PPM1L: variants seen among roughly 807,000 people sequenced by gnomAD.
PPM1L encodes the protein protein phosphatase 1L.
Under a neutral mutation model 31.4 loss-of-function variants are expected in PPM1L, and 13 were observed. That is an observed-to-expected ratio of 0.41 (90% CI 0.27 to 0.66). The LOEUF is 0.66. PPM1L is among the 30% of genes least tolerant of loss of function. The pLI, the probability that PPM1L is intolerant of heterozygous loss-of-function variation, is 0.29. For missense variants in PPM1L, 326 were observed against 453.7 expected (o/e 0.72, Z 2.56); for synonymous variants, 184 against 175.4 (o/e 1.05, Z -0.39).
intron 2 of PPM1L, among the ~76,000 whole-genome samples, chr3:161,031,934 G>A (rs568440122): frequency 1.3e-5 from 2 of 152,122 alleles, no homozygotes; most frequent in African/African-American, 4.8e-5. Flanking sequence ...GGCAACAAGG[G>A]TTCATAGTAG....
At chr3:161,048,624 T>G (rs911479519) in intron 2 of PPM1L, among the ~76,000 whole-genome samples, 1 of 152,120 alleles carries the variant, frequency 6.6e-6, no homozygotes, top group African/African-American at 2.4e-5. Context: ...TAAAGACACA[T>G]GCACACGTAT....
At position 160,954,922 on chromosome 3, in the gene PPM1L, T is replaced by TC. The variant is rs1553749436; in HGVS notation, c.400-6813dup. 5.5e-3 allele frequency among the ~76,000 whole-genome samples: 624 copies of TC among 114,464 alleles called. 2 individuals are homozygous for TC. The highest frequency in any genetic ancestry group is 0.011 in the African/African-American group (328 of 30,508). 75.1% of individuals were successfully genotyped at this position (114,464 alleles called of 152,430 possible). On this transcript the variant is annotated intron_variant, in intron 1 of 3. Coordinates refer to ENST00000498165, the MANE Select transcript of PPM1L (RefSeq NM_139245.4). ...TTCCTTCCTTCCTTCCTTCCTTCCT[T>TC]CTTTCCTTCCTTCCTTCCTTCCTTC...
chr3:161,076,869 A>G lies in PPM1L; in HGVS notation c.*7712A>G, dbSNP rs940983439. The G allele has an allele frequency of 2.0e-5, 3 of 152,266 alleles. No homozygotes were observed. The highest frequency in any genetic ancestry group is 7.2e-5 in the African/African-American group (3 of 41,472). The allele number at this position is 152,266 out of a possible 1,614,324, so 9.4% of individuals were successfully genotyped here. A position where few individuals can be genotyped will look rare whatever the true frequency, so the allele number is the denominator to read the frequency against. ...ATGTATGAGTTTTTTTCTTAAAAAT[A>G]AATAGAAGCATCATTGCATTTATAA... On this transcript the variant is annotated 3_prime_UTR_variant, in exon 4 of 4. Transcript: ENST00000498165.
At chr3:160,839,062 GC>G (rs1713794642) in intron 1 of PPM1L, among the ~76,000 whole-genome samples, 1 of 152,154 alleles carries the variant, frequency 6.6e-6, no homozygotes, top group South Asian at 2.1e-4. Context: ...ACCATGAGAT[GC>G]CCTCTGCTCT....
chr3:160,992,099 G>C (rs1003707280), intron 2 of PPM1L, among the ~76,000 whole-genome samples: 9 of 152,092 alleles, frequency 5.9e-5, no homozygotes, highest in African/African-American at 2.2e-4. Flanking sequence ...GCCAGAATTC[G>C]AACCCAGGAA....
chr3:160,948,627 C>T (rs923346625), intron 1 of PPM1L, among the ~76,000 whole-genome samples: 7 of 152,278 alleles, frequency 4.6e-5, no homozygotes, highest in Admixed American at 3.3e-4. Context: ...TGCTCCCTTG[C>T]ATTAGAAGTA....
At chr3:160,811,824 A>G (rs990360320) in intron 1 of PPM1L, among the ~76,000 whole-genome samples, 8 of 152,188 alleles carry the variant, frequency 5.3e-5, no homozygotes, top group Non-Finnish European at 1.2e-4. Flanking sequence ...GCAAATGATA[A>G]TTCTTCAGTC....
At chr3:160,994,199 G>T (rs978424295) in intron 2 of PPM1L, among the ~76,000 whole-genome samples, 2 of 152,018 alleles carry the variant, frequency 1.3e-5, no homozygotes, top group Admixed American at 1.3e-4. Context: ...AACTCCAGTG[G>T]GGAAGGCACC....
intron 1 of PPM1L, among the ~76,000 whole-genome samples, chr3:160,952,568 C>A (rs1390240382): frequency 6.6e-6 from 1 of 152,184 alleles, no homozygotes; most frequent in African/African-American, 2.4e-5. Flanking sequence ...CATCTTACTT[C>A]CCTTGTATGT....
intron 2 of PPM1L, among the ~76,000 whole-genome samples, chr3:161,058,069 T>C (rs1012533323): frequency 1.3e-5 from 2 of 150,554 alleles, no homozygotes; most frequent in Non-Finnish European, 3.0e-5. Flanking sequence ...TATAATAAAA[T>C]GTTTAGCATT....
At chr3:160,876,502 CA>C (rs1712517970) in intron 1 of PPM1L, among the ~76,000 whole-genome samples, 1 of 152,146 alleles carries the variant, frequency 6.6e-6, no homozygotes, top group South Asian at 2.1e-4. Flanking sequence ...AGAAAATTGG[CA>C]AACAAGATGT....
intron 3 of PPM1L, among the ~76,000 whole-genome samples, chr3:161,068,032 A>G (rs1211415327): frequency 6.6e-6 from 1 of 152,234 alleles, no homozygotes; most frequent in Non-Finnish European, 1.5e-5. Context: ...TATCCTGCAC[A>G]TTGCCTTCCA....
chr3:161,078,397 ATTAT>A lies in PPM1L; in HGVS notation c.*9243_*9246del, dbSNP rs1451838815. 6.6e-6 allele frequency: 1 copy of A among 152,180 alleles called. No homozygotes were observed. The highest frequency in any genetic ancestry group is 1.5e-5 in the Non-Finnish European group (1 of 68,024). 9.4% of individuals were successfully genotyped at this position (152,180 alleles called of 1,614,324 possible). On this transcript the variant is annotated 3_prime_UTR_variant, in exon 4 of 4. Coordinates refer to ENST00000498165, the MANE Select transcript of PPM1L (RefSeq NM_139245.4). Reference sequence around the variant, plus strand: ...CTTGCAACTTTAAAAATCACAAGGGATTATTTGTTTATAAAGAGATACAGGATCT... The same window carrying A: ...CTTGCAACTTTAAAAATCACAAGGGATTGTTTATAAAGAGATACAGGATCT...
chr3:161,026,209 C>T (rs763341781), intron 2 of PPM1L, among the ~76,000 whole-genome samples: 9 of 152,068 alleles, frequency 5.9e-5, no homozygotes, highest in African/African-American at 1.4e-4. Flanking sequence ...TTGTACTGCC[C>T]TTAAGGGGGT....
intron 2 of PPM1L, among the ~76,000 whole-genome samples, chr3:160,965,144 G>A (rs1433373524): frequency 1.3e-5 from 2 of 151,704 alleles, no homozygotes; most frequent in African/African-American, 2.4e-5. Flanking sequence ...CCAGCTACTC[G>A]GGAGGCTGAG....
rs1042422153 is a variant in PPM1L, at chr3:161,071,742, C to G, written c.*2585C>G. On this transcript the variant is annotated 3_prime_UTR_variant, in exon 4 of 4. Coordinates refer to ENST00000498165, the MANE Select transcript of PPM1L (RefSeq NM_139245.4). ...GGAGCTCTCTCTCCCTAGCCCTTTT[C>G]CAGCTGTTGGGGATGTGCAGACATC... is the stretch of plus-strand genomic sequence containing the variant. 6.6e-6 allele frequency: 1 copy of G among 152,204 alleles called. No homozygotes were observed. The highest frequency in any genetic ancestry group is 2.4e-5 in the African/African-American group (1 of 41,462). The allele number at this position is 152,204 out of a possible 1,614,324, so 9.4% of individuals were successfully genotyped here. A position where few individuals can be genotyped will look rare whatever the true frequency, so the allele number is the denominator to read the frequency against.
At chr3:161,055,464 GCT>G (rs1456707264) in intron 2 of PPM1L, among the ~76,000 whole-genome samples, 4 of 152,038 alleles carry the variant, frequency 2.6e-5, no homozygotes, top group East Asian at 1.9e-4. Flanking sequence ...GCCTTCACCT[GCT>G]CTTTTTCCAG....
intron 2 of PPM1L, among the ~76,000 whole-genome samples, chr3:161,057,224 A>G (rs977380897): frequency 2.0e-5 from 3 of 152,118 alleles, no homozygotes; most frequent in Admixed American, 6.5e-5. Flanking sequence ...TGATGCCAAC[A>G]TTACCCTCAG....
Position 160,944,756 on chromosome 3 carries a change from G to A in PPM1L, c.400-16980G>A, listed in dbSNP as rs140553185. Among the ~76,000 whole-genome samples the A allele has an allele frequency of 5.7e-3, 319 of 56,384 alleles. 74 individuals are homozygous for A. The highest frequency in any genetic ancestry group is 0.014 in the Non-Finnish European group (216 of 15,842). The allele number at this position is 56,384 out of a possible 152,430, so 37.0% of individuals were successfully genotyped here. On this transcript the variant is annotated intron_variant, in intron 1 of 3. Transcript: ENST00000498165. ...ATGTTATATATTATATAATATATAT[G>A]TTATATATAACATGTTATATATTAT...
Sources: gnomAD v4.1 joint callset for allele counts (sites outside exome capture counted in the v4.1 genomes callset) on GRCh38, gnomAD v4.1.1 for gene constraint, MANE v1.5 for transcripts, NCBI Gene and HGNC (gene_info 2026-07-23, HGNC 2026-07-21) for gene names.